The following RIMS2 variants were observed in gnomAD, a reference collection of about 807,000 sequenced individuals.
RIMS2 encodes the protein regulating synaptic membrane exocytosis protein 2.
Under a neutral mutation model 174.4 loss-of-function variants are expected in RIMS2, and 59 were observed. The observed-to-expected ratio is 0.34, with a 90% CI of 0.27 to 0.42. The LOEUF (loss-of-function observed/expected upper bound fraction) is 0.42. RIMS2 is among the 10% of genes least tolerant of loss of function. The pLI, the probability that RIMS2 is intolerant of heterozygous loss-of-function variation, is 1.00. For missense variants in RIMS2, 1,620 were observed against 1,666.3 expected, an observed-to-expected ratio of 0.97 and a Z score of 0.48; for synonymous variants, 606 against 572.5, an observed-to-expected ratio of 1.06 and a Z score of -0.84.
intron 2 of RIMS2, among the ~76,000 whole-genome samples, chr8:103,757,022 A>T (rs2098027969): frequency 6.6e-6 from 1 of 151,184 alleles, no homozygotes; most frequent in East Asian, 1.9e-4. Flanking sequence ...AGAGAGAGAG[A>T]GAGAGAGAGA....
At chr8:103,634,987 G>A (rs1039464368) in intron 1 of RIMS2, among the ~76,000 whole-genome samples, 1 of 152,112 alleles carries the variant, frequency 6.6e-6, no homozygotes, top group African/African-American at 2.4e-5. Context: ...ACTCTATGCT[G>A]TTTAAGTGGG....
chr8:103,577,714 AAAC>A (rs920202772), intron 1 of RIMS2, among the ~76,000 whole-genome samples: 1 of 152,240 alleles, frequency 6.6e-6, no homozygotes, highest in Non-Finnish European at 1.5e-5. Flanking sequence ...AAAAATGAAA[AAAC>A]AATTCAGAAA....
intron 1 of RIMS2, among the ~76,000 whole-genome samples, chr8:103,508,368 G>A (rs577961293): frequency 1.3e-4 from 19 of 151,412 alleles, no homozygotes; most frequent in Non-Finnish European, 2.5e-4. Context: ...AATCTCAAAT[G>A]ATGAGTAGAT....
chr8:103,954,671 C>T (rs1346302470), intron 14 of RIMS2, among the ~76,000 whole-genome samples: 1 of 151,830 alleles, frequency 6.6e-6, no homozygotes, highest in Non-Finnish European at 1.5e-5. Context: ...AAATTTACAC[C>T]CTAACATCGC....
intron 19 of RIMS2, among the ~76,000 whole-genome samples, chr8:104,223,091 C>T (rs1199568505): frequency 6.6e-6 from 1 of 152,184 alleles, no homozygotes; most frequent in African/African-American, 2.4e-5. Context: ...AGAAATTTAC[C>T]GGTTTACTTA....
intron 3 of RIMS2, among the ~76,000 whole-genome samples, chr8:103,848,740 T>C (rs1009075355): frequency 2.0e-5 from 3 of 152,052 alleles, no homozygotes; most frequent in Non-Finnish European, 4.4e-5. Context: ...CAATTGCGAA[T>C]CTCTGGTTTT....
chr8:104,162,649 G>T (rs1219000308), intron 19 of RIMS2, among the ~76,000 whole-genome samples: 1 of 151,956 alleles, frequency 6.6e-6, no homozygotes, highest in East Asian at 1.9e-4. Flanking sequence ...AATTCCTCAG[G>T]AAAGTACTTC....
intron 16 of RIMS2, among the ~76,000 whole-genome samples, chr8:103,987,171 T>C (rs981358910): frequency 6.6e-6 from 1 of 152,152 alleles, no homozygotes; most frequent in Non-Finnish European, 1.5e-5. Flanking sequence ...TCATTTTTTT[T>C]TTCAAGGACA....
intron 1 of RIMS2, among the ~76,000 whole-genome samples, chr8:103,609,384 G>T (rs184754459): frequency 6.6e-6 from 1 of 152,134 alleles, no homozygotes; most frequent in Non-Finnish European, 1.5e-5. Flanking sequence ...GCCAATGTTT[G>T]TTTTTGTTGC....
At chr8:103,652,663 C>T (rs553170732) in intron 1 of RIMS2, 18 of 1,350,676 alleles carry the variant, frequency 1.3e-5, no homozygotes, top group East Asian at 4.6e-5. Flanking sequence ...TGGTAAATAA[C>T]GTTCTTCAGC....
intron 19 of RIMS2, among the ~76,000 whole-genome samples, chr8:104,065,872 A>G (rs780502588): frequency 2.0e-5 from 3 of 152,156 alleles, no homozygotes; most frequent in Non-Finnish European, 2.9e-5. Flanking sequence ...ATGGTTAGAA[A>G]GCTCTATTTG....
At chr8:103,623,487 T>TA (rs1554691299) in intron 1 of RIMS2, among the ~76,000 whole-genome samples, 1 of 135,162 alleles carries the variant, frequency 7.4e-6, no homozygotes, top group African/African-American at 2.8e-5. Context: ...AGTTTTTTTT[T>TA]TTTTTTTTTT....
chr8:104,205,169 T>C (rs184733858), intron 19 of RIMS2, among the ~76,000 whole-genome samples: 1 of 152,204 alleles, frequency 6.6e-6, no homozygotes, highest in African/African-American at 2.4e-5. Flanking sequence ...GTGAAAACTA[T>C]ACCTTTTTCC....
chr8:103,994,813 T>C (rs550207471), intron 17 of RIMS2, among the ~76,000 whole-genome samples: 3 of 152,180 alleles, frequency 2.0e-5, no homozygotes, highest in South Asian at 2.1e-4. Context: ...ATAAAATAAA[T>C]TGATGCTTGA....
At chr8:103,574,692 G>T (rs754377070) in intron 1 of RIMS2, among the ~76,000 whole-genome samples, 23 of 152,144 alleles carry the variant, frequency 1.5e-4, no homozygotes, top group Non-Finnish European at 2.9e-4. Flanking sequence ...AGTGGTACTT[G>T]GCTGGTAGAC....
At chr8:103,548,312 G>A (rs1469125248) in intron 1 of RIMS2, among the ~76,000 whole-genome samples, 2 of 152,216 alleles carry the variant, frequency 1.3e-5, no homozygotes, top group African/African-American at 2.4e-5. Flanking sequence ...AAGCTGATGT[G>A]CCACGATCAA....
intron 3 of RIMS2, among the ~76,000 whole-genome samples, chr8:103,868,445 A>AT (rs1435931759): frequency 2.6e-5 from 4 of 152,030 alleles, no homozygotes; most frequent in East Asian, 3.9e-4. Context: ...AACTATAAAC[A>AT]TTTTTTGTAT....
At chr8:104,037,267 C>T (rs2096536458) in intron 19 of RIMS2, among the ~76,000 whole-genome samples, 1 of 152,142 alleles carries the variant, frequency 6.6e-6, no homozygotes, top group Admixed American at 6.5e-5. Context: ...CCAAAGGAAA[C>T]ATTCTAAGAC....
intron 1 of RIMS2, among the ~76,000 whole-genome samples, chr8:103,590,755 G>C (rs953283109): frequency 1.3e-5 from 2 of 151,036 alleles, no homozygotes; most frequent in African/African-American, 4.8e-5. Flanking sequence ...ATATTCTTCT[G>C]TGTAAGGCAT....
Sources: gnomAD v4.1 joint callset for allele counts (sites outside exome capture counted in the v4.1 genomes callset) on GRCh38, gnomAD v4.1.1 for gene constraint, MANE v1.5 for transcripts, NCBI Gene and HGNC (gene_info 2026-07-23, HGNC 2026-07-21) for gene names.